Variants in CCDC186 observed in about 807,000 individuals in gnomAD.
The protein encoded by CCDC186 is coiled-coil domain containing 186.
CCDC186 carries 49 observed loss-of-function variants against 113.7 expected under a neutral mutation model. The observed-to-expected ratio is 0.43, with a 90% CI of 0.34 to 0.55. CCDC186 has a LOEUF of 0.55. CCDC186 is among the 20% of genes least tolerant of loss of function. CCDC186 has a pLI of 0.02. For synonymous variants in CCDC186, 355 were observed against 345.8 expected (o/e 1.03, Z -0.30); for missense variants, 890 against 1,011.1 (o/e 0.88, Z 1.62).
At chr10:114,149,640 A>AAGGGAG (rs2031764593) in intron 4 of CCDC186, among the ~76,000 whole-genome samples, 1 of 140 alleles carries the variant, frequency 7.1e-3, no homozygotes, top group African/African-American at 0.025. Flanking sequence ...AGGGGAGGGG[A>AAGGGAG]GGGAATGCGA....
chr10:114,151,591 T>C (rs923877873), intron 3 of CCDC186, among the ~76,000 whole-genome samples: 3 of 151,764 alleles, frequency 2.0e-5, no homozygotes, highest in African/African-American at 7.2e-5. Flanking sequence ...TTGCATGCCA[T>C]TCTGAGTAGT....
Position 114,135,900 on chromosome 10 carries a change from C to G in CCDC186, c.1503G>C (p.Leu501=), listed in dbSNP as rs2031243934. 6.2e-7 allele frequency: 1 copy of G among 1,609,328 alleles called. No individual in the cohort carries two copies. The highest frequency in any genetic ancestry group is 1.3e-5 in the African/African-American group (1 of 74,822). ...FKEGMDELRT[L]RTKVKCLEDE... ...CTAAAGACTGAATTACCTTTGTTCT[C>G]AGTGTTCTTAACTCATCCATACCCT... is the stretch of plus-strand genomic sequence containing the variant. The change falls in exon 9 of 16, where the codon CTG becomes CTC. Residue 501 remains leucine (L), a synonymous_variant. Transcript: ENST00000369287.
rs765578845 is a variant in CCDC186, at chr10:114,162,824, A to G, written c.445T>C (p.Phe149Leu). The change falls in exon 2 of 16, where the codon TTT (phenylalanine) becomes CTT (leucine). Residue 149 changes from phenylalanine to leucine, a missense_variant. Physicochemically the swap from Phe to Leu is conservative, Grantham distance 22. Transcript: ENST00000369287. ...SPYDTDCTKK[F>L]ISKIKSVSAS... is the part of the protein sequence containing the mutation. ...GAAACGCTCTTTATTTTTGAAATAA[A>G]TTTCTTGGTGCAGTCTGTATCATAG... 6 of 1,613,598 alleles carry G rather than the reference A, an allele frequency of 3.7e-6. No homozygotes were observed. The highest frequency in any genetic ancestry group is 1.3e-5 in the African/African-American group (1 of 74,860).
At chr10:114,141,959 T>C (rs768424537) in intron 6 of CCDC186, among the ~76,000 whole-genome samples, 21 of 152,186 alleles carry the variant, frequency 1.4e-4, no homozygotes, top group Non-Finnish European at 2.9e-4. Context: ...TTTTTTAAGG[T>C]AGAAGGGTAA....
chr10:114,129,837 C>A, intron 13 of CCDC186, 54 bp downstream of exon 13: 1 of 1,545,324 alleles, frequency 6.5e-7, no homozygotes, highest in Non-Finnish European at 8.9e-7. Flanking sequence ...GCCAAAAATG[C>A]TATTTATTTT....
chr10:114,163,285 T>C lies in CCDC186; in HGVS notation c.-17A>G. 6.3e-7 allele frequency: 1 copy of C among 1,591,504 alleles called. No individual in the cohort carries two copies. On this transcript the variant is annotated 5_prime_UTR_variant, in exon 2 of 16. Coordinates refer to ENST00000369287, the MANE Select transcript of CCDC186 (RefSeq NM_018017.4). ...CTCTGACATGCTGACTGGCACCAAT[T>C]CACTTTGTAATTCTTCAAATCTGCT...
intron 7 of CCDC186, 149 bp from the exon 8 acceptor site, chr10:114,136,395 G>C (rs977196127): frequency 7.0e-6 from 4 of 569,616 alleles, no homozygotes; most frequent in African/African-American, 1.9e-5. Context: ...ATAACTCCAA[G>C]AACAGTTTTT....
intron 7 of CCDC186, 110 bp from the exon 8 acceptor site, chr10:114,136,356 TTAGGA>T (rs2031261993): frequency 1.4e-6 from 1 of 696,014 alleles, no homozygotes; most frequent in South Asian, 1.9e-5. Flanking sequence ...TTCTGTTACG[TTAGGA>T]TAAGAGACAA....
chr10:114,158,037 G>C (rs1302494671), intron 2 of CCDC186, among the ~76,000 whole-genome samples: 2 of 152,160 alleles, frequency 1.3e-5, no homozygotes, highest in African/African-American at 4.8e-5. Context: ...GGGCAATTTT[G>C]CCCTTCCAGG....
At chr10:114,132,825 C>A (rs1300831225) in intron 10 of CCDC186, among the ~76,000 whole-genome samples, 2 of 152,208 alleles carry the variant, frequency 1.3e-5, no homozygotes, top group Non-Finnish European at 2.9e-5. Flanking sequence ...TTGGTCCTAA[C>A]AGATGTTCAA....
intron 6 of CCDC186, among the ~76,000 whole-genome samples, chr10:114,138,223 G>C (rs1287587380): frequency 2.7e-5 from 4 of 148,572 alleles, no homozygotes; most frequent in Non-Finnish European, 5.9e-5. Flanking sequence ...CTGGGAAACA[G>C]AGTGAGACTT....
chr10:114,136,287 C>G, intron 7 of CCDC186, 41 bp from the exon 8 acceptor site: 1 of 1,464,004 alleles, frequency 6.8e-7, no homozygotes, highest in Non-Finnish European at 9.5e-7. Context: ...AATTTTTAAC[C>G]CATTTCCCGT....
At chr10:114,133,976 G>C (rs1476799189) in intron 10 of CCDC186, among the ~76,000 whole-genome samples, 1 of 152,164 alleles carries the variant, frequency 6.6e-6, no homozygotes, top group African/African-American at 2.4e-5. Flanking sequence ...AGACATAAAG[G>C]ATAAAGAAGA....
At chr10:114,140,256 C>T (rs567520947) in intron 6 of CCDC186, among the ~76,000 whole-genome samples, 1 of 152,096 alleles carries the variant, frequency 6.6e-6, no homozygotes, top group Non-Finnish European at 1.5e-5. Context: ...AGATAGAATA[C>T]CTGGGGAAAG....
At position 114,123,613 on chromosome 10, in the gene CCDC186, C is replaced by T. The variant is rs956376505; in HGVS notation, c.*1530G>A. On this transcript the variant is annotated 3_prime_UTR_variant, in exon 16 of 16. Transcript: ENST00000369287. Reference sequence around the variant, plus strand: ...TGCTGCAATATCTGCATAAGAGCCACGGTATCTTATTATAGTAATGATCTG... The same window carrying T: ...TGCTGCAATATCTGCATAAGAGCCATGGTATCTTATTATAGTAATGATCTG... The T allele has an allele frequency of 7.9e-5, 12 of 152,038 alleles. No homozygotes were observed. Among genetic ancestry groups the T allele is most frequent in the East Asian group, 1.9e-4 (1 of 5,176 alleles). 9.4% of individuals were successfully genotyped at this position (152,038 alleles called of 1,614,324 possible).
rs958937227 is a variant in CCDC186, at chr10:114,135,944, G to C, written c.1459C>G (p.Leu487Val). ...HHAKIKELED[L>V]KRTFKEGMDE... ...ATACCCTCCTTAAATGTTCTCTTCA[G>C]ATCTTCTAGTTCCTTTATTTTGGCA... Residue 487 changes from leucine (L) to valine (V), a missense_variant, in exon 9 of 16, where the codon CTG becomes GTG. By Grantham distance (32) the Leu-to-Val change is conservative (BLOSUM62 1). Coordinates refer to ENST00000369287, the MANE Select transcript of CCDC186 (RefSeq NM_018017.4). 1 of 1,613,132 alleles carries C rather than the reference G, an allele frequency of 6.2e-7. No homozygotes were observed. The highest frequency in any genetic ancestry group is 8.5e-7 in the Non-Finnish European group (1 of 1,179,564).
At position 114,123,119 on chromosome 10, in the gene CCDC186, A is replaced by G. The variant is rs563970701; in HGVS notation, c.*2024T>C. On this transcript the variant is annotated 3_prime_UTR_variant, in exon 16 of 16. Coordinates refer to ENST00000369287, the MANE Select transcript of CCDC186 (RefSeq NM_018017.4). ...GTATCATAAGAAACTAGAAAAATTT[A>G]GTTATGTTGCCTACTCAAAGTAGTC... The G allele has an allele frequency of 2.6e-5, 4 of 152,728 alleles. No individual in the cohort carries two copies. The highest frequency in any genetic ancestry group is 1.3e-4 in the Admixed American group (2 of 15,290). The allele number at this position is 152,728 out of a possible 1,614,324, so 9.5% of individuals were successfully genotyped here.
Position 114,121,471 on chromosome 10 carries a change from A to G in CCDC186, c.*3672T>C, listed in dbSNP as rs1264534893. 6.6e-6 allele frequency: 1 copy of G among 152,218 alleles called. No individual in the cohort carries two copies. The highest frequency in any genetic ancestry group is 1.5e-5 in the Non-Finnish European group (1 of 68,032). 9.4% of individuals were successfully genotyped at this position (152,218 alleles called of 1,614,324 possible). A position where few individuals can be genotyped will look rare whatever the true frequency, so the allele number is the denominator to read the frequency against. ...ATATACTGCAAAAGAAAGATTGGAA[A>G]CATGCGTGACATGATTAATCTTTAT... On this transcript the variant is annotated 3_prime_UTR_variant, in exon 16 of 16. Coordinates refer to ENST00000369287, the MANE Select transcript of CCDC186 (RefSeq NM_018017.4).
intron 1 of CCDC186, among the ~76,000 whole-genome samples, chr10:114,167,409 T>G (rs2032367328): frequency 6.6e-6 from 1 of 151,690 alleles, no homozygotes; most frequent in South Asian, 2.1e-4. Flanking sequence ...TGCACAAGAG[T>G]GGTAGCAGAT....
Sources: allele counts gnomAD v4.1 joint callset (sites outside exome capture counted in the v4.1 genomes callset), GRCh38; gene constraint gnomAD v4.1.1; transcripts MANE v1.5; gene names NCBI Gene and HGNC (gene_info 2026-07-23, HGNC 2026-07-21).